The following SLC2A13 variants were observed in gnomAD, a reference collection of about 807,000 sequenced individuals.
SLC2A13 encodes the protein solute carrier family 2 member 13.
In SLC2A13, 32 loss-of-function variants were observed where a neutral mutation model predicts 64.4. That is an observed-to-expected ratio of 0.50 (90% confidence interval 0.37 to 0.67). SLC2A13 has a LOEUF of 0.67. Among genes scored for constraint, SLC2A13 ranks in the 30% least tolerant of loss-of-function variants. The pLI is 0.00. For synonymous variants in SLC2A13, 338 were observed against 327.1 expected, an observed-to-expected ratio of 1.03 and a Z score of -0.36; for missense variants, 743 against 829.2, an observed-to-expected ratio of 0.90 and a Z score of 1.28.
At chr12:39,812,342 CTTT>C (rs1566818795) in intron 7 of SLC2A13, among the ~76,000 whole-genome samples, 3 of 42,968 alleles carry the variant, frequency 7.0e-5, no homozygotes, top group Non-Finnish European at 1.2e-4. Flanking sequence ...TTTCTTTTTT[CTTT>C]TCTTTTCTTT....
chr12:39,959,794 T>C (rs574080834), intron 3 of SLC2A13, among the ~76,000 whole-genome samples: 1 of 152,284 alleles, frequency 6.6e-6, no homozygotes, highest in Non-Finnish European at 1.5e-5. Context: ...CCTTTCTAAA[T>C]AAATAATTTT....
intron 7 of SLC2A13, among the ~76,000 whole-genome samples, chr12:39,818,099 C>T (rs1942390267): frequency 6.6e-6 from 1 of 152,186 alleles, no homozygotes; most frequent in South Asian, 2.1e-4. Flanking sequence ...AGAGAGCCCC[C>T]TTGGGCCACT....
chr12:39,967,455 T>A (rs1016218311), intron 3 of SLC2A13, among the ~76,000 whole-genome samples: 1 of 152,150 alleles, frequency 6.6e-6, no homozygotes, highest in Non-Finnish European at 1.5e-5. Context: ...ACACCAAGAT[T>A]CTATAACTCT....
chr12:39,883,131 A>G (rs1944384932), intron 4 of SLC2A13, among the ~76,000 whole-genome samples: 1 of 152,216 alleles, frequency 6.6e-6, no homozygotes, highest in African/African-American at 2.4e-5. Flanking sequence ...TTAAGTATAT[A>G]TCATTAAATT....
chr12:39,760,410 G>C (rs1238653214), intron 9 of SLC2A13, among the ~76,000 whole-genome samples, 158 bp from the exon 10 acceptor site: 2 of 151,736 alleles, frequency 1.3e-5, no homozygotes, highest in African/African-American at 4.8e-5. Flanking sequence ...TACTCCAATT[G>C]TTCCAACTCT....
intron 3 of SLC2A13, among the ~76,000 whole-genome samples, chr12:39,999,810 G>A (rs539146296): frequency 6.6e-6 from 1 of 152,210 alleles, no homozygotes; most frequent in African/African-American, 2.4e-5. Context: ...GCCCTTTGAA[G>A]CATGTGATCT....
In SLC2A13 at chr12:39,924,844, C is replaced by T. The variant is rs1028613008; in HGVS notation, c.1034+26413G>A. 2.6e-5 allele frequency among the ~76,000 whole-genome samples: 4 copies of T among 151,902 alleles called. No individual in the cohort carries two copies. In the South Asian group the frequency reaches 6.2e-4, roughly 24 times the overall value. On this transcript the variant is annotated intron_variant, in intron 4 of 9. Coordinates refer to ENST00000280871, the MANE Select transcript of SLC2A13 (RefSeq NM_052885.4). ...AACTTGAGAAAAAGACCCCCCACCC[C>T]GCCAAAATAAAAGAAGTATGAAGAA...
chr12:39,776,455 G>A (rs919058666), intron 7 of SLC2A13, among the ~76,000 whole-genome samples: 3 of 152,200 alleles, frequency 2.0e-5, no homozygotes, highest in Admixed American at 6.5e-5. Flanking sequence ...GCAAGGGGTG[G>A]GTGCTGTATA....
chr12:39,800,861 G>C (rs559336435), intron 7 of SLC2A13, among the ~76,000 whole-genome samples: 60 of 3,432 alleles, frequency 0.017, no homozygotes, highest in Middle Eastern at 0.083. Context: ...GTCCAACAAT[G>C]ATAGACTGGA....
intron 7 of SLC2A13, among the ~76,000 whole-genome samples, chr12:39,778,275 C>G (rs1032643823): frequency 1.4e-4 from 21 of 152,214 alleles, no homozygotes; most frequent in African/African-American, 4.1e-4. Flanking sequence ...AGTCTCAGAG[C>G]AAAACTGTAA....
At chr12:39,806,734 T>G (rs1386404567) in intron 7 of SLC2A13, among the ~76,000 whole-genome samples, 2 of 152,212 alleles carry the variant, frequency 1.3e-5, no homozygotes, top group African/African-American at 4.8e-5. Context: ...TAAATTATAC[T>G]GTGGGAAACA....
At chr12:39,981,402 G>A (rs1177412924) in intron 3 of SLC2A13, among the ~76,000 whole-genome samples, 1 of 151,680 alleles carries the variant, frequency 6.6e-6, no homozygotes, top group Admixed American at 6.6e-5. Context: ...TTTTTTGAAA[G>A]GATCAACAAA....
In SLC2A13 at chr12:39,895,744, G is replaced by A. The variant is rs1308399254; in HGVS notation, c.1035-23783C>T. Among the ~76,000 whole-genome samples, 51 of 42,912 alleles carry A rather than the reference G, an allele frequency of 1.2e-3. 1 individual carries two copies. The highest frequency in any genetic ancestry group is 3.9e-3 in the East Asian group (8 of 2,052). 28.2% of individuals were successfully genotyped at this position (42,912 alleles called of 152,430 possible). ...TATATGCGTGTATACGTACACACAT[G>A]TATATGCGTGTATACGTACACACAT... On this transcript the variant is annotated intron_variant, in intron 4 of 9. Transcript: ENST00000280871.
intron 4 of SLC2A13, among the ~76,000 whole-genome samples, chr12:39,942,279 A>C (rs934228613): frequency 1.3e-5 from 2 of 152,104 alleles, no homozygotes; most frequent in African/African-American, 4.8e-5. Context: ...GGATTGTATT[A>C]AATCTGTAGA....
At chr12:39,920,224 A>G (rs1384919374) in intron 4 of SLC2A13, among the ~76,000 whole-genome samples, 1 of 152,110 alleles carries the variant, frequency 6.6e-6, no homozygotes, top group Non-Finnish European at 1.5e-5. Context: ...CCTTTTTTCT[A>G]TACTTACAGA....
chr12:39,921,903 T>C (rs544619859), intron 4 of SLC2A13, among the ~76,000 whole-genome samples: 2 of 152,248 alleles, frequency 1.3e-5, no homozygotes, highest in South Asian at 2.1e-4. Context: ...AAATATTGCA[T>C]ATAAATCCAA....
intron 7 of SLC2A13, among the ~76,000 whole-genome samples, chr12:39,808,843 A>G (rs999231654): frequency 1.3e-5 from 2 of 152,138 alleles, no homozygotes; most frequent in Non-Finnish European, 2.9e-5. Context: ...TATTGTAAAT[A>G]ATACTTCCGG....
chr12:40,102,172 T>A (rs1433361194), intron 1 of SLC2A13, among the ~76,000 whole-genome samples: 1 of 152,212 alleles, frequency 6.6e-6, no homozygotes, highest in Non-Finnish European at 1.5e-5. Context: ...TTTTAATTGC[T>A]TGTTTATGTA....
intron 3 of SLC2A13, among the ~76,000 whole-genome samples, chr12:39,985,229 ACTC>A (rs766761477): frequency 1.3e-5 from 2 of 151,570 alleles, no homozygotes; most frequent in Non-Finnish European, 2.9e-5. Context: ...TCTGTTTTCT[ACTC>A]CTCCTGCTGT....
Sources: gnomAD v4.1 joint callset for allele counts (sites outside exome capture counted in the v4.1 genomes callset) on GRCh38, gnomAD v4.1.1 for gene constraint, MANE v1.5 for transcripts, NCBI Gene and HGNC (gene_info 2026-07-23, HGNC 2026-07-21) for gene names.